The following RAB5B variants were observed in gnomAD, a reference collection of about 807,000 sequenced individuals.
RAB5B encodes RAB5B, member RAS oncogene family.
RAB5B carries 11 observed loss-of-function variants against 28.6 expected under a neutral mutation model. That is an observed-to-expected ratio of 0.38 (90% CI 0.24 to 0.64). The LOEUF (loss-of-function observed/expected upper bound fraction) is 0.64, where lower values mean the gene tolerates loss of function less well. Among genes scored for constraint, RAB5B ranks in the 30% least tolerant of loss-of-function variants. The pLI, the probability that RAB5B is intolerant of heterozygous loss-of-function variation, is 0.53. For missense variants in RAB5B, 169 were observed against 265.6 expected, an observed-to-expected ratio of 0.64 and a Z score of 2.53; for synonymous variants, 93 against 97.9, an observed-to-expected ratio of 0.95 and a Z score of 0.29.
chr12:55,996,003 A>ATATATATATATATATATTTTTT lies in RAB5B; in HGVS notation c.*3792_*3793insATATATATATATATATTTTTTT. ...TATATACATATATATATATATATAT[A>ATATATATATATATATATTTTTT]TTTTTTTTTTAACAACTGGTAGGAT... On this transcript the variant is annotated 3_prime_UTR_variant, in exon 6 of 6. Coordinates refer to ENST00000360299, the MANE Select transcript of RAB5B (RefSeq NM_002868.4). 72 of 97,352 alleles carry ATATATATATATATATATTTTTT rather than the reference A, an allele frequency of 7.4e-4. No homozygotes were observed. Among genetic ancestry groups the ATATATATATATATATATTTTTT allele is most frequent in the Non-Finnish European group, 1.1e-3 (56 of 50,432 alleles). The allele number at this position is 97,352 out of a possible 1,614,324, so 6.0% of individuals were successfully genotyped here. A position where few individuals can be genotyped will look rare whatever the true frequency, so the allele number is the denominator to read the frequency against.
chr12:55,994,623 C>G lies in RAB5B; in HGVS notation c.*2411C>G, dbSNP rs1890234786. 1 of 152,254 alleles carries G rather than the reference C, an allele frequency of 6.6e-6. No individual in the cohort carries two copies. The highest frequency in any genetic ancestry group is 2.1e-4 in the South Asian group (1 of 4,806). 9.4% of individuals were successfully genotyped at this position (152,254 alleles called of 1,614,324 possible). ...AGAAAGCATTTGCCTTTCTTCCTCT[C>G]CCAACATAACAATCGTGGTAACAGA... is the stretch of plus-strand genomic sequence containing the variant. On this transcript the variant is annotated 3_prime_UTR_variant, in exon 6 of 6. Transcript: ENST00000360299.
chr12:55,984,432 C>T (rs1465673820), intron 1 of RAB5B, among the ~76,000 whole-genome samples: 1 of 152,058 alleles, frequency 6.6e-6, no homozygotes, highest in Non-Finnish European at 1.5e-5. Context: ...TCCTGATCTG[C>T]CTGCCTTTGC....
In RAB5B at chr12:55,992,452, C is replaced by G; in HGVS notation, c.*240C>G. Reference sequence around the variant, plus strand: ...GCTTGGGGGTCAACTCCCCCCAGGACTTACCTTCCAAAACAAACTTTCTTC... The same window carrying G: ...GCTTGGGGGTCAACTCCCCCCAGGAGTTACCTTCCAAAACAAACTTTCTTC... On this transcript the variant is annotated 3_prime_UTR_variant, in exon 6 of 6. Transcript: ENST00000360299. The G allele has an allele frequency of 1.5e-6, 1 of 669,512 alleles. No homozygotes were observed. The highest frequency in any genetic ancestry group is 2.7e-6 in the Non-Finnish European group (1 of 364,358). 41.5% of individuals were successfully genotyped at this position (669,512 alleles called of 1,614,324 possible). A position where few individuals can be genotyped will look rare whatever the true frequency, so the allele number is the denominator to read the frequency against.
chr12:55,996,675 G>A lies in RAB5B; in HGVS notation c.*4463G>A, dbSNP rs1031861917. On this transcript the variant is annotated 3_prime_UTR_variant, in exon 6 of 6. Coordinates refer to ENST00000360299, the MANE Select transcript of RAB5B (RefSeq NM_002868.4). ...TTTTTTTCTACGCAAAATAAAAGAC[G>A]GCTATTCAGTGTTGTTGTTTCATTT... 5 of 152,042 alleles carry A rather than the reference G, an allele frequency of 3.3e-5. No homozygotes were observed. Among genetic ancestry groups the A allele is most frequent in the Admixed American group, 2.6e-4 (4 of 15,260 alleles). The allele number at this position is 152,042 out of a possible 1,614,324, so 9.4% of individuals were successfully genotyped here.
intron 1 of RAB5B, chr12:55,980,922 T>C (rs1000844983): frequency 5.0e-6 from 8 of 1,613,306 alleles, no homozygotes; most frequent in Non-Finnish European, 6.8e-6. Context: ...ATGGTGGAGA[T>C]GTAAGTGTTG....
Position 55,989,941 on chromosome 12 carries a change from C to A in RAB5B, c.164-6C>A, listed in dbSNP as rs892489080. The A allele has an allele frequency of 6.2e-7, 1 of 1,609,616 alleles. No homozygotes were observed. The highest frequency in any genetic ancestry group is 8.5e-7 in the Non-Finnish European group (1 of 1,175,916). On this transcript the variant is annotated splice_region_variant and splice_polypyrimidine_tract_variant and intron_variant, in intron 2 of 5. Transcript: ENST00000360299. ...AGCATCTTCCCCTCCATTCTCTCAT[C>A]CATAGCGGCCTTCCTCACCCAGTCC...
intron 1 of RAB5B, among the ~76,000 whole-genome samples, chr12:55,975,556 G>C (rs1889621428): frequency 6.6e-6 from 1 of 151,630 alleles, no homozygotes; most frequent in Admixed American, 6.6e-5. Flanking sequence ...CGAGGGTGCA[G>C]TGAGCCATGA....
chr12:55,978,375 G>A (rs1195897125), intron 1 of RAB5B, among the ~76,000 whole-genome samples: 1 of 152,004 alleles, frequency 6.6e-6, no homozygotes, highest in Non-Finnish European at 1.5e-5. Flanking sequence ...GGTGGTGGGC[G>A]CCTGTAGTCC....
intron 1 of RAB5B, among the ~76,000 whole-genome samples, chr12:55,975,941 A>C (rs993326206): frequency 6.6e-6 from 1 of 151,906 alleles, no homozygotes; most frequent in Non-Finnish European, 1.5e-5. Context: ...TAGTAGAGAC[A>C]GGGTTTTACC....
At chr12:55,977,141 A>C (rs1047375753) in intron 1 of RAB5B, among the ~76,000 whole-genome samples, 21 of 151,974 alleles carry the variant, frequency 1.4e-4, no homozygotes, top group Admixed American at 1.3e-4. Flanking sequence ...CGACCAGCTA[A>C]TTTTTGTATT....
At position 55,995,432 on chromosome 12, in the gene RAB5B, G is replaced by A. The variant is rs1890258660; in HGVS notation, c.*3220G>A. The A allele has an allele frequency of 1.3e-5, 2 of 152,180 alleles. No homozygotes were observed. The highest frequency in any genetic ancestry group is 2.1e-4 in the South Asian group (1 of 4,836). The allele number at this position is 152,180 out of a possible 1,614,324, so 9.4% of individuals were successfully genotyped here. A position where few individuals can be genotyped will look rare whatever the true frequency, so the allele number is the denominator to read the frequency against. The stretch of plus-strand genomic sequence containing the variant: ...GATCCATTTCTATATGTTTCTCAAA[G>A]GGGTCCATGACCCAAAGGTTGAAAA... On this transcript the variant is annotated 3_prime_UTR_variant, in exon 6 of 6. Transcript: ENST00000360299.
Position 55,996,003 on chromosome 12 carries a change from A to ATATATATATATATATTT in RAB5B, c.*3792_*3793insATATATATATATATTTT. On this transcript the variant is annotated 3_prime_UTR_variant, in exon 6 of 6. Coordinates refer to ENST00000360299, the MANE Select transcript of RAB5B (RefSeq NM_002868.4). ...TATATACATATATATATATATATATATTTTTTTTTTAACAACTGGTAGGAT... is the reference window on the plus strand; with the variant it reads ...TATATACATATATATATATATATATATATATATATATATATTTTTTTTTTTTTAACAACTGGTAGGAT... 3 of 97,430 alleles carry ATATATATATATATATTT rather than the reference A, an allele frequency of 3.1e-5. No homozygotes were observed. The highest frequency in any genetic ancestry group is 5.9e-5 in the Non-Finnish European group (3 of 50,490). 6.0% of individuals were successfully genotyped at this position (97,430 alleles called of 1,614,324 possible).
At chr12:55,988,999 T>A (rs1268045299) in intron 2 of RAB5B, among the ~76,000 whole-genome samples, 1 of 142,644 alleles carries the variant, frequency 7.0e-6, no homozygotes, top group Non-Finnish European at 1.5e-5. Context: ...TGGAGTGCAG[T>A]GGTGCAGTGG....
intron 1 of RAB5B, among the ~76,000 whole-genome samples, chr12:55,977,076 G>GATTCTCCTGCCTCCTAGGTTCACA (rs1889665708): frequency 6.6e-6 from 1 of 151,998 alleles, no homozygotes; most frequent in African/African-American, 2.4e-5. Flanking sequence ...CTAGGTTCAC[G>GATTCTCCTGCCTCCTAGGTTCACA]CGATTCTCCT....
chr12:55,980,887 A>G, intron 1 of RAB5B: 2 of 1,612,394 alleles, frequency 1.2e-6, no homozygotes, highest in Non-Finnish European at 1.7e-6. Context: ...CTATATCCAC[A>G]GTGCGGATCT....
At chr12:55,987,832 C>CA (rs111519905) in intron 2 of RAB5B, among the ~76,000 whole-genome samples, 163 of 116,252 alleles carry the variant, frequency 1.4e-3, no homozygotes, top group Admixed American at 2.4e-3. Flanking sequence ...ACTCCATCTC[C>CA]AAAAAAAAAA....
At chr12:55,978,549 CA>C (rs1889711529) in intron 1 of RAB5B, among the ~76,000 whole-genome samples, 2 of 151,822 alleles carry the variant, frequency 1.3e-5, no homozygotes, top group Non-Finnish European at 2.9e-5. Context: ...AAGATCTGTC[CA>C]GATGGTACAG....
chr12:55,980,699 G>T (rs1889779710), intron 1 of RAB5B: 1 of 1,581,132 alleles, frequency 6.3e-7, no homozygotes, highest in African/African-American at 1.3e-5. Context: ...CTCCACCCCA[G>T]CTGAGGCATT....
chr12:55,992,286 C>A lies in RAB5B; in HGVS notation c.*74C>A. On this transcript the variant is annotated 3_prime_UTR_variant, in exon 6 of 6. Coordinates refer to ENST00000360299, the MANE Select transcript of RAB5B (RefSeq NM_002868.4). ...AATAACCTCCATCCCTACCCCTCAG[C>A]ACACAACCCCTACGGTAACAGCACA... 2 of 1,263,194 alleles carry A rather than the reference C, an allele frequency of 1.6e-6. No individual in the cohort carries two copies. The highest frequency in any genetic ancestry group is 2.3e-6 in the Non-Finnish European group (2 of 876,752). 78.2% of individuals were successfully genotyped at this position (1,263,194 alleles called of 1,614,324 possible). A position where few individuals can be genotyped will look rare whatever the true frequency, so the allele number is the denominator to read the frequency against.
Sources: allele counts gnomAD v4.1 joint callset (sites outside exome capture counted in the v4.1 genomes callset), GRCh38; gene constraint gnomAD v4.1.1; transcripts MANE v1.5; gene names NCBI Gene and HGNC (gene_info 2026-07-23, HGNC 2026-07-21).